Variants in RELN observed in about 807,000 individuals in gnomAD.
RELN encodes reelin.
In RELN, 108 loss-of-function variants were observed where a neutral mutation model predicts 427.6. The ratio of observed to expected loss-of-function variants is 0.25; its 90% CI spans 0.22 to 0.30. RELN has a LOEUF of 0.30. Ranked by LOEUF, RELN falls within the 10% of genes least tolerant of loss-of-function variation. The pLI, the probability that RELN is intolerant of heterozygous loss-of-function variation, is 1.00. For missense variants in RELN, 3,715 were observed against 4,302.8 expected (o/e 0.86, Z 3.82); for synonymous variants, 1,524 against 1,513.4 (o/e 1.01, Z -0.16).
chr7:103,971,392 T>C (rs4270893), intron 1 of RELN, among the ~76,000 whole-genome samples: 79,763 of 151,830 alleles, frequency 0.53, 21,093 homozygotes, highest in African/African-American at 0.6. Flanking sequence ...TTCAAATCAA[T>C]ATGAAAAAGA....
chr7:103,922,943 G>A (rs913343053), intron 1 of RELN, among the ~76,000 whole-genome samples: 6 of 151,122 alleles, frequency 4.0e-5, no homozygotes, highest in African/African-American at 9.7e-5. Flanking sequence ...TTTTCAGAAC[G>A]GCAAGCATCA....
chr7:103,625,790 G>C (rs1353264733), intron 20 of RELN, among the ~76,000 whole-genome samples: 2 of 151,488 alleles, frequency 1.3e-5, no homozygotes, highest in Non-Finnish European at 3.0e-5. Context: ...GTGGCCTTTT[G>C]ATGTTACTGT....
At position 103,746,742 on chromosome 7, in the gene RELN, A is replaced by G. The variant is rs1022303739; in HGVS notation, c.656+2684T>C. On this transcript the variant is annotated intron_variant, in intron 6 of 64. Coordinates refer to ENST00000428762, the MANE Select transcript of RELN (RefSeq NM_005045.4). ...CCATCTCACACCAGTTAGAATGGCG[A>G]TCATTAAAAAGTCAGGAAACAACAG... Among the ~76,000 whole-genome samples, 206 of 151,252 alleles carry G rather than the reference A, an allele frequency of 1.4e-3. 1 individual carries two copies. Among genetic ancestry groups the G allele is most frequent in the East Asian group, 5.8e-3 (30 of 5,168 alleles).
intron 2 of RELN, among the ~76,000 whole-genome samples, chr7:103,915,282 A>C (rs1183684504): frequency 6.6e-6 from 1 of 151,908 alleles, no homozygotes; most frequent in Non-Finnish European, 1.5e-5. Context: ...AAATTACACC[A>C]CACTTTACTC....
intron 2 of RELN, among the ~76,000 whole-genome samples, chr7:103,881,126 C>T (rs1794597371): frequency 6.6e-6 from 1 of 152,118 alleles, no homozygotes; most frequent in Admixed American, 6.5e-5. Context: ...TTCTTTCTTT[C>T]AATTCCCTAC....
intron 60 of RELN, among the ~76,000 whole-genome samples, chr7:103,488,730 A>G (rs2054103774): frequency 6.6e-6 from 1 of 152,218 alleles, no homozygotes; most frequent in African/African-American, 2.4e-5. Context: ...CAACTTGACT[A>G]GTGGTCTTTC....
chr7:103,651,778 T>G lies in RELN; in HGVS notation c.1775A>C (p.Glu592Ala). The G allele has an allele frequency of 6.2e-7, 1 of 1,611,426 alleles. No individual in the cohort carries two copies. The highest frequency in any genetic ancestry group is 8.5e-7 in the Non-Finnish European group (1 of 1,178,466). The change falls in exon 15 of 65, where the codon GAA becomes GCA. Residue 592 changes from glutamate to alanine, a missense_variant. Coordinates refer to ENST00000428762, the MANE Select transcript of RELN (RefSeq NM_005045.4). ...GGAGCGCCCATGGTTGGTAGAAAAT[T>G]CCAAGCTGACACTAATAAAACCAGA... is the stretch of plus-strand genomic sequence containing the variant. ...THQPGNSVSL[E>A]FSTNHGRSWS...
At chr7:103,839,111 G>T (rs896328262) in intron 2 of RELN, among the ~76,000 whole-genome samples, 1 of 152,138 alleles carries the variant, frequency 6.6e-6, no homozygotes, top group Non-Finnish European at 1.5e-5. Context: ...TCAGGGCTTA[G>T]AGTAACACTA....
At chr7:103,698,233 C>G in intron 9 of RELN, 140 bp from the exon 10 acceptor site, 1 of 1,051,192 alleles carries the variant, frequency 9.5e-7, no homozygotes. Flanking sequence ...AATCTCATAG[C>G]CCTTAAATCT....
chr7:103,586,407 A>G (rs925938518), intron 28 of RELN, among the ~76,000 whole-genome samples: 1 of 152,090 alleles, frequency 6.6e-6, no homozygotes, highest in African/African-American at 2.4e-5. Flanking sequence ...ATATATGACA[A>G]ACCCACAGCC....
rs146749232 is a variant in RELN at position 103,640,596 on chromosome 7, C to T, written c.2016G>A (p.Pro672=). The T allele has an allele frequency of 4.2e-5, 67 of 1,613,664 alleles. No homozygotes were observed. The highest frequency in any genetic ancestry group is 2.2e-4 in the Admixed American group (13 of 59,988). Residue 672 remains proline, a synonymous_variant, in exon 17 of 65, where the codon CCG becomes CCA. Transcript: ENST00000428762. The surrounding 1 kb of genome is among the most constrained non-coding windows in gnomAD (Gnocchi z 4.1). ...TGCCAGAACAGAATTTGAGACATGA[C>T]GGGCCAATATAAACTGTGGGAGGGA... is the stretch of plus-strand genomic sequence containing the variant. The part of the protein sequence containing the change: ...MWAIDNVYIG[P]SCLKFCSGRG...
At chr7:103,813,084 CCT>C (rs1792782614) in intron 3 of RELN, among the ~76,000 whole-genome samples, 1 of 152,024 alleles carries the variant, frequency 6.6e-6, no homozygotes, top group Non-Finnish European at 1.5e-5. Context: ...TGCTCTTTTC[CCT>C]CTGTTTTAGG....
At chr7:103,947,566 T>C (rs1156298211) in intron 1 of RELN, among the ~76,000 whole-genome samples, 1 of 152,166 alleles carries the variant, frequency 6.6e-6, no homozygotes, top group Non-Finnish European at 1.5e-5. Flanking sequence ...GTCTCACAGC[T>C]CTAGAAGAAA....
intron 3 of RELN, among the ~76,000 whole-genome samples, chr7:103,789,774 G>A (rs760177237): frequency 6.6e-5 from 10 of 152,208 alleles, no homozygotes; most frequent in African/African-American, 2.4e-4. Flanking sequence ...AGACAATGTG[G>A]TGATTCCTCA....
intron 4 of RELN, among the ~76,000 whole-genome samples, chr7:103,758,090 T>C (rs1240954694): frequency 6.6e-6 from 1 of 152,184 alleles, no homozygotes. Flanking sequence ...TGTTAGAAAG[T>C]GCATGTGAAT....
chr7:103,676,800 A>T (rs894244886), intron 11 of RELN, among the ~76,000 whole-genome samples: 1 of 151,986 alleles, frequency 6.6e-6, no homozygotes, highest in African/African-American at 2.4e-5. Flanking sequence ...CAGAAAACCA[A>T]ATACTGCATG....
chr7:103,605,846 G>A (rs1012383333), intron 22 of RELN, among the ~76,000 whole-genome samples: 1 of 152,146 alleles, frequency 6.6e-6, no homozygotes, highest in African/African-American at 2.4e-5. Context: ...GTGACTAATA[G>A]GTTGTATTTT....
chr7:103,552,771 A>T (rs557099712), intron 40 of RELN, among the ~76,000 whole-genome samples: 18 of 152,230 alleles, frequency 1.2e-4, no homozygotes, highest in Non-Finnish European at 5.9e-5. Flanking sequence ...AACTCCTGGG[A>T]TTACAGGTGT....
At chr7:103,895,958 T>TA (rs1345800553) in intron 2 of RELN, among the ~76,000 whole-genome samples, 1 of 152,122 alleles carries the variant, frequency 6.6e-6, no homozygotes. Context: ...AGAGGACTGA[T>TA]ACACAGGATA....
Sources: allele counts gnomAD v4.1 joint callset (sites outside exome capture counted in the v4.1 genomes callset), GRCh38; gene constraint gnomAD v4.1.1; non-coding constraint Gnocchi (gnomAD v3.1); transcripts MANE v1.5; gene names NCBI Gene and HGNC (gene_info 2026-07-23, HGNC 2026-07-21).